The following AUTS2 variants were observed in gnomAD, a reference collection of about 807,000 sequenced individuals.
AUTS2 encodes the protein activator of transcription and developmental regulator AUTS2.
In AUTS2, 17 loss-of-function variants were observed where a neutral mutation model predicts 112.4. The observed-to-expected ratio is 0.15, with a 90% CI of 0.10 to 0.23. AUTS2 has a LOEUF of 0.23. Among genes scored for constraint, AUTS2 ranks in the 10% least tolerant of loss-of-function variants. The probability of loss-of-function intolerance (pLI) is 1.00; values close to 1 mark genes in which losing one functional copy is unlikely to be tolerated. For missense variants in AUTS2, 1,510 were observed against 1,701.6 expected (o/e 0.89, Z 1.98); for synonymous variants, 751 against 702.7 (o/e 1.07, Z -1.09).
At chr7:69,685,311 C>G (rs910518118) in intron 1 of AUTS2, among the ~76,000 whole-genome samples, 2 of 152,210 alleles carry the variant, frequency 1.3e-5, no homozygotes, top group Non-Finnish European at 2.9e-5. Flanking sequence ...CTCCAAGGCT[C>G]AGTTCTAGAC....
chr7:70,458,883 G>A (rs1796852586), intron 5 of AUTS2, among the ~76,000 whole-genome samples: 1 of 152,232 alleles, frequency 6.6e-6, no homozygotes, highest in Admixed American at 6.5e-5. Context: ...ATAGCACCAA[G>A]CTGCTCCATC....
intron 1 of AUTS2, among the ~76,000 whole-genome samples, chr7:69,757,483 A>G (rs934489979): frequency 6.6e-6 from 1 of 152,204 alleles, no homozygotes; most frequent in African/African-American, 2.4e-5. Context: ...GTCAGTTATC[A>G]TTTATATCTC....
chr7:70,307,189 A>G lies in AUTS2; in HGVS notation c.661-128563A>G, dbSNP rs11762691. On this transcript the variant is annotated intron_variant, in intron 4 of 18. Transcript: ENST00000342771. The stretch of plus-strand genomic sequence containing the variant: ...GTACTTTACGAATAAAATTCTTCCT[A>G]TTTCTTACAACAAAATTGAACATTT... Among the ~76,000 whole-genome samples, 960 of 152,286 alleles carry G rather than the reference A, an allele frequency of 6.3e-3. 12 individuals are homozygous for G. Among genetic ancestry groups the G allele is most frequent in the African/African-American group, 0.021 (893 of 41,560 alleles).
intron 5 of AUTS2, among the ~76,000 whole-genome samples, chr7:70,646,199 C>T (rs1033916888): frequency 1.3e-5 from 2 of 152,178 alleles, no homozygotes; most frequent in Non-Finnish European, 2.9e-5. Context: ...CAGTGCGACT[C>T]CTGCCTGATC....
At chr7:70,191,410 A>G (rs886655284) in intron 4 of AUTS2, among the ~76,000 whole-genome samples, 33 of 152,060 alleles carry the variant, frequency 2.2e-4, no homozygotes, top group African/African-American at 6.7e-4. Flanking sequence ...TGACCTCATG[A>G]TCCTCCCACC....
At chr7:70,776,357 G>C (rs986569758) in intron 13 of AUTS2, among the ~76,000 whole-genome samples, 3 of 152,150 alleles carry the variant, frequency 2.0e-5, no homozygotes, top group African/African-American at 7.2e-5. Flanking sequence ...TACACTCACA[G>C]CACTCCACTC....
intron 2 of AUTS2, among the ~76,000 whole-genome samples, chr7:70,054,337 T>C (rs1563068430): frequency 6.6e-6 from 1 of 152,154 alleles, no homozygotes; most frequent in Non-Finnish European, 1.5e-5. Flanking sequence ...ACTCACTCCC[T>C]TCCTTTTTCT....
At chr7:69,870,913 A>G (rs1449135464) in intron 1 of AUTS2, among the ~76,000 whole-genome samples, 4 of 152,210 alleles carry the variant, frequency 2.6e-5, no homozygotes. Flanking sequence ...CTGTTGTGCA[A>G]TGCCAGTTTT....
chr7:70,483,477 C>G (rs1797869456), intron 5 of AUTS2, among the ~76,000 whole-genome samples: 1 of 152,164 alleles, frequency 6.6e-6, no homozygotes, highest in Non-Finnish European at 1.5e-5. Flanking sequence ...CTGTTTCCCC[C>G]ATTTGGTCCT....
intron 5 of AUTS2, among the ~76,000 whole-genome samples, chr7:70,442,520 T>A (rs893105221): frequency 6.6e-6 from 1 of 152,212 alleles, no homozygotes; most frequent in Non-Finnish European, 1.5e-5. Flanking sequence ...AAATGGAGTC[T>A]CGCTCTGTCA....
chr7:70,630,309 A>C (rs1365224120), intron 5 of AUTS2, among the ~76,000 whole-genome samples: 4 of 152,082 alleles, frequency 2.6e-5, no homozygotes, highest in Admixed American at 2.0e-4. Context: ...TGTAAAGCAC[A>C]GCCTATTTTC....
chr7:70,787,043 A>C, intron 17 of AUTS2, 166 bp from the exon 18 acceptor site: 1 of 762,684 alleles, frequency 1.3e-6, no homozygotes. Context: ...GTGTAGGACA[A>C]GACTTCCTCT....
chr7:69,816,265 C>A (rs191697445), intron 1 of AUTS2, among the ~76,000 whole-genome samples: 2 of 152,188 alleles, frequency 1.3e-5, no homozygotes, highest in Non-Finnish European at 2.9e-5. Flanking sequence ...GAGCCAGCCC[C>A]TTGAAATTAA....
At chr7:70,277,500 G>A (rs894694215) in intron 4 of AUTS2, among the ~76,000 whole-genome samples, 7 of 152,074 alleles carry the variant, frequency 4.6e-5, no homozygotes, top group Middle Eastern at 6.3e-3. Context: ...GGTAATTAAA[G>A]TATTAAAATA....
intron 6 of AUTS2, among the ~76,000 whole-genome samples, chr7:70,728,314 G>A (rs1472259861): frequency 1.3e-5 from 2 of 152,154 alleles, no homozygotes; most frequent in South Asian, 2.1e-4. Flanking sequence ...TATCCTTAAA[G>A]TGCAGGATTA....
intron 5 of AUTS2, among the ~76,000 whole-genome samples, chr7:70,664,359 T>C (rs1807223369): frequency 6.6e-6 from 1 of 152,176 alleles, no homozygotes; most frequent in Non-Finnish European, 1.5e-5. Flanking sequence ...TGTTGGACTC[T>C]GTGGGATTTT....
chr7:70,484,032 A>G (rs888880494), intron 5 of AUTS2, among the ~76,000 whole-genome samples: 5 of 152,318 alleles, frequency 3.3e-5, no homozygotes. Flanking sequence ...ATCCCTAAAA[A>G]TGCTTGAATT....
chr7:69,856,316 A>G (rs1792718488), intron 1 of AUTS2, among the ~76,000 whole-genome samples: 1 of 152,154 alleles, frequency 6.6e-6, no homozygotes, highest in Admixed American at 6.5e-5. Context: ...GAAGAAAGTG[A>G]TCACCAAGGC....
intron 5 of AUTS2, among the ~76,000 whole-genome samples, chr7:70,495,220 G>A (rs1258735246): frequency 8.1e-6 from 1 of 123,482 alleles, no homozygotes; most frequent in African/African-American, 3.1e-5. Context: ...CCTCTCCTGT[G>A]AATAACCTTT....
Sources: gnomAD v4.1 joint callset for allele counts (sites outside exome capture counted in the v4.1 genomes callset) on GRCh38, gnomAD v4.1.1 for gene constraint, MANE v1.5 for transcripts, NCBI Gene and HGNC (gene_info 2026-07-23, HGNC 2026-07-21) for gene names.